The following SRPK2 variants were observed in gnomAD, a reference collection of about 807,000 sequenced individuals.
SRPK2 encodes the protein SFRS protein kinase 2.
In SRPK2, 21 loss-of-function variants were observed where a neutral mutation model predicts 90.8. The observed-to-expected ratio is 0.23, with a 90% CI of 0.16 to 0.33. The LOEUF (loss-of-function observed/expected upper bound fraction) is 0.33. Among genes scored for constraint, SRPK2 ranks in the 10% least tolerant of loss-of-function variants. The pLI is 1.00. For synonymous variants in SRPK2, 288 were observed against 311.1 expected, an observed-to-expected ratio of 0.93 and a Z score of 0.78; for missense variants, 620 against 869.0, an observed-to-expected ratio of 0.71 and a Z score of 3.60.
intron 2 of SRPK2, chr7:105,269,101 T>C (rs1805488444): frequency 7.8e-6 from 9 of 1,155,458 alleles, no homozygotes; most frequent in Non-Finnish European, 8.6e-6. Context: ...GTACCATTTC[T>C]TTAAAGCAGA....
At chr7:105,396,830 GAGAGAGAA>G (rs1396864751) in intron 1 of SRPK2, among the ~76,000 whole-genome samples, 7 of 149,398 alleles carry the variant, frequency 4.7e-5, no homozygotes, top group Non-Finnish European at 7.4e-5. Flanking sequence ...AAGAGAGAGA[GAGAGAGAA>G]AGAAATAGAG....
intron 2 of SRPK2, among the ~76,000 whole-genome samples, chr7:105,333,494 A>G (rs1814688439): frequency 6.6e-6 from 1 of 152,224 alleles, no homozygotes; most frequent in African/African-American, 2.4e-5. Flanking sequence ...AATTCAAACA[A>G]TACATTACAG....
At chr7:105,131,577 C>G (rs539665120) in intron 13 of SRPK2, among the ~76,000 whole-genome samples, 2 of 152,290 alleles carry the variant, frequency 1.3e-5, no homozygotes, top group East Asian at 3.9e-4. Flanking sequence ...TGTGCTGACT[C>G]AGATCATGCT....
intron 2 of SRPK2, among the ~76,000 whole-genome samples, chr7:105,315,019 G>A (rs900385432): frequency 2.0e-5 from 3 of 152,148 alleles, no homozygotes; most frequent in Non-Finnish European, 4.4e-5. Context: ...GCTCCTGCCT[G>A]GAATCCCAGC....
chr7:105,254,587 C>T (rs184665833), intron 2 of SRPK2, among the ~76,000 whole-genome samples: 1 of 151,828 alleles, frequency 6.6e-6, no homozygotes, highest in Non-Finnish European at 1.5e-5. Context: ...GTATAAAATG[C>T]CAGTTTGAAA....
intron 3 of SRPK2, among the ~76,000 whole-genome samples, chr7:105,195,708 T>C (rs933812431): frequency 9.2e-5 from 14 of 152,232 alleles, no homozygotes; most frequent in Non-Finnish European, 1.9e-4. Flanking sequence ...TATAACATCT[T>C]TTCTGAGTCC....
At chr7:105,306,757 G>A in intron 2 of SRPK2, 7 of 187,840 alleles carry the variant, frequency 3.7e-5, no homozygotes, top group South Asian at 1.8e-4. Context: ...CTTTTAAAAA[G>A]AAAATGTCAT....
chr7:105,270,694 C>G (rs1305469947), intron 2 of SRPK2, among the ~76,000 whole-genome samples: 1 of 151,846 alleles, frequency 6.6e-6, no homozygotes. Flanking sequence ...CAGGTATGAG[C>G]CACAGCACCA....
At chr7:105,298,694 G>T in intron 2 of SRPK2, 1 of 982,042 alleles carries the variant, frequency 1.0e-6, no homozygotes, top group Non-Finnish European at 1.2e-6. Flanking sequence ...GCAACCCCCT[G>T]CCTAAAATAG....
At position 105,302,492 on chromosome 7, in the gene SRPK2, A is replaced by AT. The variant is rs567521026; in HGVS notation, c.71+86155dup. ...GAACAGTTACTCCATAGTGCAATCC[A>AT]TATTAATAGGCTTCTTATCTTAAAT... On this transcript the variant is annotated intron_variant, in intron 2 of 15. Coordinates refer to ENST00000393651, the MANE Select transcript of SRPK2 (RefSeq NM_182692.3). Among the ~76,000 whole-genome samples the AT allele has an allele frequency of 5.0e-4, 76 of 152,318 alleles. 1 individual carries two copies. The South Asian group carries it at 0.015, about 29-fold the overall frequency.
chr7:105,146,525 T>C lies in SRPK2; in HGVS notation c.755A>G (p.Lys252Arg). ...CCCTGAAGGAGGAGGAGCACCTGCTTTCTGCCACTCAGTGGCCTCAGCTGC... is the reference window on the plus strand; with the variant it reads ...CCCTGAAGGAGGAGGAGCACCTGCTCTCTGCCACTCAGTGGCCTCAGCTGC... ...RMAAEATEWQKAGAPPPSGSA... is the reference protein window; with the variant it reads ...RMAAEATEWQRAGAPPPSGSA... The change falls in exon 8 of 16, where the codon AAA becomes AGA. Residue 252 changes from lysine (K) to arginine (R), a missense_variant. By Grantham distance (26) the Lys-to-Arg change is conservative (BLOSUM62 2). Coordinates refer to ENST00000393651, the MANE Select transcript of SRPK2 (RefSeq NM_182692.3). The C allele has an allele frequency of 6.2e-7, 1 of 1,614,182 alleles. No homozygotes were observed. Among genetic ancestry groups the C allele is most frequent in the East Asian group, 2.2e-5 (1 of 44,880 alleles).
At position 105,306,720 on chromosome 7, in the gene SRPK2, T is replaced by C. The variant is rs189898866; in HGVS notation, c.71+81928A>G. The C allele has an allele frequency of 1.1e-4, 28 of 260,372 alleles. No homozygotes were observed. In the Admixed American group the frequency reaches 1.2e-3, roughly 11 times the overall value. 16.1% of individuals were successfully genotyped at this position (260,372 alleles called of 1,614,324 possible). A position where few individuals can be genotyped will look rare whatever the true frequency, so the allele number is the denominator to read the frequency against. ...ATCTGCAATCCATTTTAATGCTGTA[T>C]ACATCTCTAACTTAAGTGGAGAATA... On this transcript the variant is annotated intron_variant, in intron 2 of 15. Transcript: ENST00000393651.
chr7:105,151,744 G>A (rs1178758573), intron 7 of SRPK2, among the ~76,000 whole-genome samples: 3 of 151,920 alleles, frequency 2.0e-5, no homozygotes, highest in African/African-American at 7.2e-5. Flanking sequence ...CTCTGGGTTG[G>A]CTGGCACGAT....
intron 2 of SRPK2, among the ~76,000 whole-genome samples, chr7:105,347,010 A>G (rs1004714591): frequency 6.6e-6 from 1 of 152,046 alleles, no homozygotes; most frequent in African/African-American, 2.4e-5. Flanking sequence ...CCCGGGAACC[A>G]TAAAATTAAT....
At chr7:105,327,847 C>T (rs1283329390) in intron 2 of SRPK2, among the ~76,000 whole-genome samples, 2 of 152,244 alleles carry the variant, frequency 1.3e-5, no homozygotes, top group East Asian at 3.8e-4. Context: ...GTCACCCAGG[C>T]TGGAGTGCAG....
At chr7:105,389,702 G>A (rs1395101452), upstream of SRPK2, among the ~76,000 whole-genome samples, 1 of 152,172 alleles carries the variant, frequency 6.6e-6, no homozygotes, top group Non-Finnish European at 1.5e-5. Flanking sequence ...AGCCAGGATC[G>A]AAATTCAGGC....
chr7:105,340,183 C>T (rs987606809), intron 2 of SRPK2, among the ~76,000 whole-genome samples: 1 of 151,626 alleles, frequency 6.6e-6, no homozygotes, highest in African/African-American at 2.4e-5. Context: ...TAATCTCTAA[C>T]CTTTAAGATG....
At chr7:105,333,854 T>C (rs914694696) in intron 2 of SRPK2, among the ~76,000 whole-genome samples, 1 of 152,238 alleles carries the variant, frequency 6.6e-6, no homozygotes, top group Non-Finnish European at 1.5e-5. Context: ...TTATAACATA[T>C]AAATATACAC....
intron 2 of SRPK2, among the ~76,000 whole-genome samples, chr7:105,226,867 C>T (rs1434548196): frequency 1.3e-5 from 2 of 151,280 alleles, no homozygotes; most frequent in Non-Finnish European, 3.0e-5. Flanking sequence ...GCTTGAACCT[C>T]GGAGGCAGAG....
Sources: allele counts gnomAD v4.1 joint callset (sites outside exome capture counted in the v4.1 genomes callset), GRCh38; gene constraint gnomAD v4.1.1; transcripts MANE v1.5; gene names NCBI Gene and HGNC (gene_info 2026-07-23, HGNC 2026-07-21).